The following CAPN9 variants were observed in gnomAD, a reference collection of about 807,000 sequenced individuals.
The protein encoded by CAPN9 is calpain 9.
Under a neutral mutation model 92.8 loss-of-function variants are expected in CAPN9, and 81 were observed. The ratio of observed to expected loss-of-function variants is 0.87; its 90% CI spans 0.73 to 1.05. The LOEUF (loss-of-function observed/expected upper bound fraction) is 1.05, where lower values mean the gene tolerates loss of function less well. CAPN9 is among the 50% of genes least tolerant of loss of function. The probability of loss-of-function intolerance (pLI) is 0.00; values close to 1 mark genes in which losing one functional copy is unlikely to be tolerated. For synonymous variants in CAPN9, 304 were observed against 328.0 expected, an observed-to-expected ratio of 0.93 and a Z score of 0.79; for missense variants, 848 against 866.2, an observed-to-expected ratio of 0.98 and a Z score of 0.26.
rs189935739 is a variant in CAPN9 at position 230,757,944 on chromosome 1, G to A, written c.284-1568G>A. Among the ~76,000 whole-genome samples, 3 of 152,140 alleles carry A rather than the reference G, an allele frequency of 2.0e-5. No homozygotes were observed. In the East Asian group the frequency reaches 5.8e-4, roughly 29 times the overall value. On this transcript the variant is annotated intron_variant, in intron 2 of 19. Transcript: ENST00000271971. ...GCCGAGATGGTGCCACTTCACTCCA[G>A]CCTGCTCCTCCCATAGTGCCCTCTG...
At chr1:230,760,214 G>T (rs1334724757) in intron 3 of CAPN9, among the ~76,000 whole-genome samples, 6 of 151,998 alleles carry the variant, frequency 3.9e-5, no homozygotes, top group Non-Finnish European at 7.4e-5. Flanking sequence ...CCTTATATAG[G>T]GTTCGACCAG....
intron 13 of CAPN9, 100 bp downstream of exon 13, chr1:230,787,702 T>G: frequency 1.1e-6 from 1 of 943,642 alleles, no homozygotes; most frequent in South Asian, 1.4e-5. Flanking sequence ...AACGTCATCC[T>G]GAGGCATGAT....
At chr1:230,766,275 TA>T (rs1321577972) in intron 4 of CAPN9, among the ~76,000 whole-genome samples, 2 of 152,166 alleles carry the variant, frequency 1.3e-5, no homozygotes, top group Non-Finnish European at 2.9e-5. Context: ...TTTTAATTTT[TA>T]AAAAATGTTT....
chr1:230,772,692 T>C (rs1357116340), intron 7 of CAPN9, among the ~76,000 whole-genome samples: 1 of 150,528 alleles, frequency 6.6e-6, no homozygotes, highest in Non-Finnish European at 1.5e-5. Flanking sequence ...CAGGGAGCTA[T>C]GATTGCACCA....
intron 1 of CAPN9, among the ~76,000 whole-genome samples, chr1:230,754,966 A>G (rs936353666): frequency 5.3e-5 from 8 of 152,378 alleles, no homozygotes; most frequent in Middle Eastern, 3.4e-3. Context: ...CAGAGGTCAC[A>G]GAGCTCACAG....
At chr1:230,792,234 C>G (rs963165232) in intron 15 of CAPN9, among the ~76,000 whole-genome samples, 192 bp from the exon 16 acceptor site, 5 of 152,186 alleles carry the variant, frequency 3.3e-5, no homozygotes, top group Admixed American at 6.5e-5. Context: ...GGGACCACCC[C>G]CATTCCACTT....
chr1:230,787,505 C>T lies in CAPN9; in HGVS notation c.1519-17C>T. ...TTTGTGGATCATTTTGTGCAAGTTT[C>T]TTTGGCTGTTTTTTAGCCTCCAAAG... On this transcript the variant is annotated splice_polypyrimidine_tract_variant and intron_variant, in intron 12 of 19. Coordinates refer to ENST00000271971, the MANE Select transcript of CAPN9 (RefSeq NM_006615.3). The T allele has an allele frequency of 6.2e-7, 1 of 1,609,502 alleles. No individual in the cohort carries two copies. The highest frequency in any genetic ancestry group is 1.1e-5 in the South Asian group (1 of 90,904).
At chr1:230,793,960 T>C (rs1460489844) in intron 17 of CAPN9, among the ~76,000 whole-genome samples, 2 of 152,030 alleles carry the variant, frequency 1.3e-5, no homozygotes, top group Admixed American at 6.6e-5. Context: ...ATCCCCCTCC[T>C]CTAGCCCCAA....
rs773793654 is a variant in CAPN9 at position 230,747,572 on chromosome 1, G to A, written c.76G>A (p.Gly26Ser). 1 of 1,614,188 alleles carries A rather than the reference G, an allele frequency of 6.2e-7. No homozygotes were observed. Among genetic ancestry groups the A allele is most frequent in the Non-Finnish European group, 8.5e-7 (1 of 1,180,038 alleles). The change falls in exon 1 of 20, where the codon GGC (glycine) becomes AGC (serine). Residue 26 changes from glycine to serine, a missense_variant. Coordinates refer to ENST00000271971, the MANE Select transcript of CAPN9 (RefSeq NM_006615.3). ...GGACGCCCGGATCACCCACTCCTCAGGCCAGAGCTTTGAGCAAATGAGGCA... is the reference window on the plus strand; with the variant it reads ...GGACGCCCGGATCACCCACTCCTCAAGCCAGAGCTTTGAGCAAATGAGGCA... ...PKDARITHSS[G>S]QSFEQMRQEC...
chr1:230,779,226 C>A, intron 9 of CAPN9, 93 bp downstream of exon 9: 2 of 1,195,708 alleles, frequency 1.7e-6, no homozygotes, highest in Non-Finnish European at 2.4e-6. Context: ...TCAGAGAAAG[C>A]CTGAAACATA....
chr1:230,800,278 G>T (rs1668626094), intron 19 of CAPN9, among the ~76,000 whole-genome samples: 1 of 131,612 alleles, frequency 7.6e-6, no homozygotes, highest in East Asian at 2.0e-4. Flanking sequence ...AAGAAAGAAA[G>T]AAAGAAAGAA....
At position 230,767,414 on chromosome 1, in the gene CAPN9, A is replaced by T. The variant is rs1666058283; in HGVS notation, c.537-127A>T. The T allele has an allele frequency of 4.1e-6, 3 of 735,716 alleles. No homozygotes were observed. The East Asian group carries it at 8.0e-5, about 20-fold the overall frequency. 45.6% of individuals were successfully genotyped at this position (735,716 alleles called of 1,614,324 possible). A position where few individuals can be genotyped will look rare whatever the true frequency, so the allele number is the denominator to read the frequency against. The stretch of plus-strand genomic sequence containing the variant: ...ATAACTTGCTTCCCGTCTTCCTTCC[A>T]CACCACCCAGCCAGGGCAAGCCCTG... On this transcript the variant is annotated intron_variant, in intron 4 of 19. Transcript: ENST00000271971.
intron 13 of CAPN9, 82 bp from the exon 14 acceptor site, chr1:230,790,050 G>A (rs562981157): frequency 8.3e-7 from 1 of 1,209,570 alleles, no homozygotes; most frequent in East Asian, 2.4e-5. Context: ...GCCAAATGAA[G>A]CTCAGAACTG....
At chr1:230,772,445 A>G (rs542624325) in intron 7 of CAPN9, among the ~76,000 whole-genome samples, 1 of 152,118 alleles carries the variant, frequency 6.6e-6, no homozygotes, top group African/African-American at 2.4e-5. Flanking sequence ...AGCAGTGTGC[A>G]TATGCATAAG....
chr1:230,764,709 A>G lies in CAPN9; in HGVS notation c.536+1923A>G, dbSNP rs572570913. Reference sequence around the variant, plus strand: ...AAATGAAAAATTGATCTAATTATACATGTATATTGAGCTGAACAATCGAGT... The same window carrying G: ...AAATGAAAAATTGATCTAATTATACGTGTATATTGAGCTGAACAATCGAGT... On this transcript the variant is annotated intron_variant, in intron 4 of 19. Transcript: ENST00000271971. Among the ~76,000 whole-genome samples, 262 of 152,344 alleles carry G rather than the reference A, an allele frequency of 1.7e-3. 1 individual carries two copies. Among genetic ancestry groups the G allele is most frequent in the Non-Finnish European group, 2.8e-3 (193 of 68,034 alleles).
intron 19 of CAPN9, among the ~76,000 whole-genome samples, chr1:230,800,229 AAG>A (rs1199030170): frequency 6.0e-5 from 3 of 49,860 alleles, no homozygotes; most frequent in African/African-American, 2.2e-4. Context: ...ATAAGAAAGA[AAG>A]AAGAAAGAAA....
At chr1:230,789,518 A>G (rs1156949123) in intron 13 of CAPN9, among the ~76,000 whole-genome samples, 2 of 149,162 alleles carry the variant, frequency 1.3e-5, no homozygotes, top group Non-Finnish European at 3.0e-5. Flanking sequence ...TCTCAGGGCA[A>G]GGTCTGAGAC....
At chr1:230,765,962 C>T (rs7514889) in intron 4 of CAPN9, among the ~76,000 whole-genome samples, 39,619 of 152,044 alleles carry the variant, frequency 0.26, 5,760 homozygotes, top group Non-Finnish European at 0.34. Context: ...CTACCTTAGC[C>T]AGGTGATCAA....
At chr1:230,783,437 T>G (rs527797078) in intron 11 of CAPN9, among the ~76,000 whole-genome samples, 1 of 152,242 alleles carries the variant, frequency 6.6e-6, no homozygotes, top group Non-Finnish European at 1.5e-5. Context: ...GGATCCCTCA[T>G]GGCTTGGTGC....
Sources: gnomAD v4.1 joint callset for allele counts (sites outside exome capture counted in the v4.1 genomes callset) on GRCh38, gnomAD v4.1.1 for gene constraint, MANE v1.5 for transcripts, NCBI Gene and HGNC (gene_info 2026-07-23, HGNC 2026-07-21) for gene names.